ADAMTS15: variants seen among roughly 807,000 people sequenced by gnomAD.
ADAMTS15 encodes the protein A disintegrin and metalloproteinase with thrombospondin motifs 15.
In ADAMTS15, 35 loss-of-function variants were observed where a neutral mutation model predicts 79.1. That is an observed-to-expected ratio of 0.44 (90% CI 0.34 to 0.59). ADAMTS15 has a LOEUF of 0.59. Ranked by LOEUF, ADAMTS15 falls within the 20% of genes least tolerant of loss-of-function variation. The pLI is 0.02. For synonymous variants in ADAMTS15, 616 were observed against 567.3 expected (o/e 1.09, Z -1.22); for missense variants, 1,324 against 1,318.7 (o/e 1.00, Z -0.06).
Position 130,449,489 on chromosome 11 carries a change from TC to T in ADAMTS15, c.517del (p.Arg173AlafsTer71). On this transcript the variant is annotated frameshift_variant, in exon 1 of 8. Coordinates refer to ENST00000299164, the MANE Select transcript of ADAMTS15 (RefSeq NM_139055.4). LOFTEE classifies it high-confidence loss of function. The surrounding 1 kb of genome is among the most constrained non-coding windows in gnomAD (Gnocchi z 7.8). ...PGGPSGDPTS[R>X]CGVASGWNPA... ...GCGGGCCTTCCGGAGACCCCACCTC[TC>T]GCTGCGGGGTGGCCTCGGGCTGGAA... The T allele has an allele frequency of 1.3e-6, 2 of 1,558,494 alleles. No individual in the cohort carries two copies. The highest frequency in any genetic ancestry group is 1.7e-6 in the Non-Finnish European group (2 of 1,154,928).
chr11:130,464,802 G>A (rs4627095), intron 4 of ADAMTS15, among the ~76,000 whole-genome samples: 77,112 of 151,446 alleles, frequency 0.51, 19,879 homozygotes, highest in Middle Eastern at 0.56. Context: ...CCCCATGTCT[G>A]CAAAAAATAC....
intron 1 of ADAMTS15, among the ~76,000 whole-genome samples, chr11:130,451,045 T>C (rs1937951483): frequency 6.6e-6 from 1 of 152,006 alleles, no homozygotes; most frequent in African/African-American, 2.4e-5. Context: ...GGTGTTGGAG[T>C]GATTGGGCAC....
Position 130,449,469 on chromosome 11 carries a change from C to G in ADAMTS15, c.496C>G (p.Pro166Ala). 6.4e-7 allele frequency: 1 copy of G among 1,567,826 alleles called. No homozygotes were observed. Among genetic ancestry groups the G allele is most frequent in the Non-Finnish European group, 8.6e-7 (1 of 1,160,516 alleles). Residue 166 changes from proline (P) to alanine (A), a missense_variant, in exon 1 of 8, where the codon CCT becomes GCT. Transcript: ENST00000299164. This position sits in a 1 kb window ranked among gnomAD's most constrained non-coding sequence, Gnocchi z 7.8. ...LLQRRGVPGG[P>A]SGDPTSRCGV... ...CCAGCGCCGGGGTGTTCCGGGCGGG[C>G]CTTCCGGAGACCCCACCTCTCGCTG...
At chr11:130,460,339 T>A (rs1194079883) in intron 1 of ADAMTS15, among the ~76,000 whole-genome samples, 3 of 151,496 alleles carry the variant, frequency 2.0e-5, no homozygotes, top group African/African-American at 7.3e-5. Flanking sequence ...TGCAATGGTG[T>A]GATCTTGGCT....
Position 130,472,909 on chromosome 11 carries a change from C to A in ADAMTS15, c.2079-138C>A. On this transcript the variant is annotated intron_variant, in intron 7 of 7. Coordinates refer to ENST00000299164, the MANE Select transcript of ADAMTS15 (RefSeq NM_139055.4). The surrounding 1 kb of genome is among the most constrained non-coding windows in gnomAD (Gnocchi z 4.7). ...CAATCGCCAAGGGGCAGGGACCTCT[C>A]TGACTCCAAAACCTGTGCTTTTACT... 2 of 1,302,508 alleles carry A rather than the reference C, an allele frequency of 1.5e-6. No individual in the cohort carries two copies. Among genetic ancestry groups the A allele is most frequent in the Non-Finnish European group, 1.1e-6 (1 of 944,762 alleles). 80.7% of individuals were successfully genotyped at this position (1,302,508 alleles called of 1,614,324 possible).
At chr11:130,469,909 A>G (rs1193927742) in intron 5 of ADAMTS15, among the ~76,000 whole-genome samples, 1 of 151,550 alleles carries the variant, frequency 6.6e-6, no homozygotes, top group Non-Finnish European at 1.5e-5. Context: ...AGAAATTAGT[A>G]TTTTTTTAAC....
In ADAMTS15 at chr11:130,473,163, A is replaced by G; in HGVS notation, c.2195A>G (p.Gln732Arg). Residue 732 changes from glutamine (Q) to arginine (R), a missense_variant, in exon 8 of 8, where the codon CAA (glutamine) becomes CGA (arginine). Gln to Arg is a conservative substitution (Grantham distance 43). Coordinates refer to ENST00000299164, the MANE Select transcript of ADAMTS15 (RefSeq NM_139055.4). ...AACTACCTGGCTCTGAAGAACAGCC[A>G]AGGCAAGTACCTGCTCAACGGGCAT... ...DDNYLALKNS[Q>R]GKYLLNGHFV... The G allele has an allele frequency of 1.2e-6, 2 of 1,614,112 alleles. No individual in the cohort carries two copies. Among genetic ancestry groups the G allele is most frequent in the Non-Finnish European group, 1.7e-6 (2 of 1,180,044 alleles).
At chr11:130,470,133 C>CATATATATATATATATATGTGTGTAT (rs1938394117) in intron 5 of ADAMTS15, among the ~76,000 whole-genome samples, 1 of 74,820 alleles carries the variant, frequency 1.3e-5, no homozygotes, top group Admixed American at 1.7e-4. Context: ...TATATATATA[C>CATATATATATATATATATGTGTGTAT]ATATATATAT....
At chr11:130,471,562 CATT>C (rs1429666383) in intron 7 of ADAMTS15, among the ~76,000 whole-genome samples, 179 bp downstream of exon 7, 3 of 151,972 alleles carry the variant, frequency 2.0e-5, no homozygotes, top group African/African-American at 7.3e-5. Flanking sequence ...TTCATTCACT[CATT>C]CATTCATTCA....
rs1486871347 is a variant in ADAMTS15 at position 130,462,293 on chromosome 11, G to A, written c.1258+39G>A. On this transcript the variant is annotated intron_variant, in intron 3 of 7. Transcript: ENST00000299164. This position sits in a 1 kb window ranked among gnomAD's most constrained non-coding sequence, Gnocchi z 4.3. The stretch of plus-strand genomic sequence containing the variant: ...GCGGGAGGGCAATGAGGCCGCCTCG[G>A]AGGGGGCTTTGCTGCTGCCCCTGGT... 2 of 1,578,902 alleles carry A rather than the reference G, an allele frequency of 1.3e-6. No homozygotes were observed. The highest frequency in any genetic ancestry group is 1.7e-6 in the Non-Finnish European group (2 of 1,160,908).
chr11:130,459,035 T>G (rs1377917532), intron 1 of ADAMTS15, among the ~76,000 whole-genome samples: 1 of 139,768 alleles, frequency 7.2e-6, no homozygotes, highest in Non-Finnish European at 1.6e-5. Flanking sequence ...GTTTTTTTTT[T>G]TTTTTTTTTT....
At chr11:130,458,606 C>T (rs1342231514) in intron 1 of ADAMTS15, among the ~76,000 whole-genome samples, 1 of 152,186 alleles carries the variant, frequency 6.6e-6, no homozygotes, top group Non-Finnish European at 1.5e-5. Flanking sequence ...GATTCAGGCT[C>T]TAGTTGAAAG....
intron 4 of ADAMTS15, among the ~76,000 whole-genome samples, chr11:130,467,994 A>G (rs1938337891): frequency 6.6e-6 from 1 of 152,218 alleles, no homozygotes; most frequent in Non-Finnish European, 1.5e-5. Flanking sequence ...TAAGGAAGAA[A>G]AACATTCACG....
chr11:130,459,751 G>T (rs755281226), intron 1 of ADAMTS15, among the ~76,000 whole-genome samples: 1 of 152,196 alleles, frequency 6.6e-6, no homozygotes, highest in South Asian at 2.1e-4. Flanking sequence ...TCATCTGACC[G>T]TGGGAAGCCA....
chr11:130,458,873 C>T (rs567864308), intron 1 of ADAMTS15, among the ~76,000 whole-genome samples: 7 of 151,986 alleles, frequency 4.6e-5, no homozygotes, highest in Non-Finnish European at 7.4e-5. Flanking sequence ...ACACCACACC[C>T]GTCCTACACC....
Position 130,475,640 on chromosome 11 carries a change from G to A in ADAMTS15, c.*1819G>A, listed in dbSNP as rs1450436224. On this transcript the variant is annotated 3_prime_UTR_variant, in exon 8 of 8. Transcript: ENST00000299164. ...GTCTAACGCTGGGCTGGAAACCTTG[G>A]ACAGAGTTCATGCGGGGGCAGAGGG... 6.6e-6 allele frequency: 1 copy of A among 152,432 alleles called. No individual in the cohort carries two copies. Among genetic ancestry groups the A allele is most frequent in the Admixed American group, 6.5e-5 (1 of 15,286 alleles). 9.4% of individuals were successfully genotyped at this position (152,432 alleles called of 1,614,324 possible).
intron 7 of ADAMTS15, among the ~76,000 whole-genome samples, chr11:130,471,783 G>A (rs1246420042): frequency 6.6e-6 from 1 of 152,168 alleles, no homozygotes; most frequent in South Asian, 2.1e-4. Flanking sequence ...CTTGTAAAGT[G>A]GGTATAATAC....
chr11:130,462,101 A>G lies in ADAMTS15; in HGVS notation c.1105A>G (p.Met369Val), dbSNP rs1175598296. 2 of 1,613,234 alleles carry G rather than the reference A, an allele frequency of 1.2e-6. No homozygotes were observed. Among genetic ancestry groups the G allele is most frequent in the East Asian group, 2.2e-5 (1 of 44,840 alleles). Residue 369 changes from methionine (M) to valine (V), a missense_variant, in exon 3 of 8, where the codon ATG becomes GTG. Physicochemically the swap from Met to Val is conservative, Grantham distance 21 (BLOSUM62 1). Coordinates refer to ENST00000299164, the MANE Select transcript of ADAMTS15 (RefSeq NM_139055.4). This position sits in a 1 kb window ranked among gnomAD's most constrained non-coding sequence, Gnocchi z 4.3. ...TAHELGHVFNMPHDNVKVCEE... is the reference protein window; with the variant it reads ...TAHELGHVFNVPHDNVKVCEE... Reference sequence around the variant, plus strand: ...TTACCCCACAGGCCACGTGTTCAACATGCCCCATGACAATGTGAAAGTCTG... The same window carrying G: ...TTACCCCACAGGCCACGTGTTCAACGTGCCCCATGACAATGTGAAAGTCTG...
At position 130,473,452 on chromosome 11, in the gene ADAMTS15, C is replaced by T. The variant is rs774607561; in HGVS notation, c.2484C>T (p.Leu828=). 2.5e-6 allele frequency: 4 copies of T among 1,612,600 alleles called. No individual in the cohort carries two copies. Among genetic ancestry groups the T allele is most frequent in the Non-Finnish European group, 3.4e-6 (4 of 1,179,862 alleles). Reference sequence around the variant, plus strand: ...TCTTGCACAACAGCGTCCTCAGCCTCTCCAACCAGGTGGAGCAGCCGGACG... The same window carrying T: ...TCTTGCACAACAGCGTCCTCAGCCTTTCCAACCAGGTGGAGCAGCCGGACG... The part of the protein sequence containing the change: ...PSVLHNSVLS[L]SNQVEQPDDR... The change falls in exon 8 of 8, where the codon CTC becomes CTT. Residue 828 remains leucine, a synonymous_variant. Transcript: ENST00000299164.
Sources: gnomAD v4.1 joint callset for allele counts (sites outside exome capture counted in the v4.1 genomes callset) on GRCh38, gnomAD v4.1.1 for gene constraint, Gnocchi (gnomAD v3.1) non-coding constraint, MANE v1.5 for transcripts, NCBI Gene and HGNC (gene_info 2026-07-23, HGNC 2026-07-21) for gene names.